The following ESRRG variants were observed in gnomAD, a reference collection of about 807,000 sequenced individuals.
ESRRG encodes the protein estrogen related receptor gamma, also known as estrogen-related receptor gamma.
Under a neutral mutation model 44.0 loss-of-function variants are expected in ESRRG, and 13 were observed. The observed-to-expected ratio is 0.30, with a 90% CI of 0.19 to 0.47. The LOEUF (loss-of-function observed/expected upper bound fraction) is 0.47, where lower values mean the gene tolerates loss of function less well. Among genes scored for constraint, ESRRG ranks in the 20% least tolerant of loss-of-function variants. The probability of loss-of-function intolerance (pLI) is 1.00; values close to 1 mark genes in which losing one functional copy is unlikely to be tolerated. For synonymous variants in ESRRG, 215 were observed against 214.6 expected, an observed-to-expected ratio of 1.00 and a Z score of -0.02; for missense variants, 395 against 580.6, an observed-to-expected ratio of 0.68 and a Z score of 3.29.
At chr1:216,817,068 A>T (rs2148549477) in intron 2 of ESRRG, among the ~76,000 whole-genome samples, 1 of 152,236 alleles carries the variant, frequency 6.6e-6, no homozygotes. Context: ...ATAAAAAAAA[A>T]AAAACACAGG....
chr1:217,051,204 C>CGGT (rs1553259180), intron 1 of ESRRG, among the ~76,000 whole-genome samples: 1 of 33,590 alleles, frequency 3.0e-5, no homozygotes, highest in Non-Finnish European at 5.7e-5. Flanking sequence ...ATAATGGGGG[C>CGGT]GGGGGGGGGG....
At chr1:216,595,831 AT>A (rs959583542) in intron 3 of ESRRG, among the ~76,000 whole-genome samples, 7 of 152,228 alleles carry the variant, frequency 4.6e-5, no homozygotes, top group East Asian at 3.9e-4. Flanking sequence ...CATCAATAGC[AT>A]TTTTTTTCCA....
intron 2 of ESRRG, among the ~76,000 whole-genome samples, chr1:216,783,303 T>C (rs2094001643): frequency 6.6e-6 from 1 of 152,020 alleles, no homozygotes; most frequent in African/African-American, 2.4e-5. Context: ...AAAGGACTAA[T>C]GACAACTACC....
At chr1:216,631,667 G>T (rs541252659) in intron 3 of ESRRG, among the ~76,000 whole-genome samples, 18 of 151,810 alleles carry the variant, frequency 1.2e-4, no homozygotes, top group African/African-American at 3.9e-4. Flanking sequence ...GTATATATAC[G>T]ATATATAAAA....
intron 1 of ESRRG, among the ~76,000 whole-genome samples, chr1:216,988,165 A>G (rs1303143300): frequency 6.6e-6 from 1 of 152,174 alleles, no homozygotes; most frequent in African/African-American, 2.4e-5. Context: ...CAATTGGAAG[A>G]AAGTAAAGGT....
chr1:216,799,204 G>C (rs915402137), intron 2 of ESRRG, among the ~76,000 whole-genome samples: 1 of 152,104 alleles, frequency 6.6e-6, no homozygotes, highest in Admixed American at 6.6e-5. Flanking sequence ...ACTGACAAAA[G>C]GGGAAGAATA....
At chr1:216,649,153 C>A (rs4846616) in intron 3 of ESRRG, among the ~76,000 whole-genome samples, 24,271 of 152,048 alleles carry the variant, frequency 0.16, 2,351 homozygotes, top group East Asian at 0.36. Context: ...AATTGTCCTT[C>A]TGGCAATTTC....
chr1:216,517,168 T>A (rs1020323794), intron 6 of ESRRG, among the ~76,000 whole-genome samples: 1 of 152,126 alleles, frequency 6.6e-6, no homozygotes, highest in Non-Finnish European at 1.5e-5. Context: ...ACTACCATGA[T>A]AAGAGAAGAA....
At chr1:216,953,277 G>A (rs1423379060) in intron 1 of ESRRG, among the ~76,000 whole-genome samples, 2 of 152,082 alleles carry the variant, frequency 1.3e-5, no homozygotes, top group Admixed American at 6.6e-5. Flanking sequence ...GACCAATTTC[G>A]AGTATTCTCT....
intron 5 of ESRRG, among the ~76,000 whole-genome samples, chr1:216,547,857 G>T (rs950258549): frequency 3.3e-5 from 5 of 151,988 alleles, no homozygotes; most frequent in African/African-American, 1.2e-4. Context: ...TTGATTTGAT[G>T]AAAAAGCAAA....
intron 1 of ESRRG, among the ~76,000 whole-genome samples, chr1:217,021,122 A>G (rs1302651667): frequency 6.6e-6 from 1 of 151,940 alleles, no homozygotes; most frequent in Non-Finnish European, 1.5e-5. Context: ...AAGGGAGAGG[A>G]AATAGCATTA....
chr1:217,049,132 T>A (rs2085434758), intron 1 of ESRRG, among the ~76,000 whole-genome samples: 1 of 152,168 alleles, frequency 6.6e-6, no homozygotes, highest in South Asian at 2.1e-4. Flanking sequence ...CCAAAGCTCC[T>A]CCCTCACTCC....
Position 216,763,781 on chromosome 1 carries a change from G to A in ESRRG, c.-13-86290C>T, listed in dbSNP as rs143067624. Among the ~76,000 whole-genome samples, 531 of 152,188 alleles carry A rather than the reference G, an allele frequency of 3.5e-3. 6 individuals carry two copies. In the East Asian group the frequency reaches 0.046, roughly 13 times the overall value. On this transcript the variant is annotated intron_variant, in intron 2 of 7. Transcript: ENST00000359162. ...AGGTGGATGGATCTCAGATAATTAC[G>A]AGCTCTGGGTAAACTGCTCAATGTT... is the stretch of plus-strand genomic sequence containing the variant.
chr1:216,633,948 A>C (rs1312089726), intron 3 of ESRRG, among the ~76,000 whole-genome samples: 1 of 152,202 alleles, frequency 6.6e-6, no homozygotes, highest in African/African-American at 2.4e-5. Flanking sequence ...AATTTGGTAA[A>C]GATTATGGTA....
chr1:216,749,605 A>G (rs1353382554), intron 2 of ESRRG, among the ~76,000 whole-genome samples: 1 of 152,170 alleles, frequency 6.6e-6, no homozygotes, highest in Non-Finnish European at 1.5e-5. Flanking sequence ...TGCTTGAATG[A>G]AGTTGTCATT....
chr1:216,897,981 A>G (rs560203717), intron 2 of ESRRG, among the ~76,000 whole-genome samples: 11 of 152,252 alleles, frequency 7.2e-5, no homozygotes, highest in African/African-American at 2.6e-4. Flanking sequence ...CTGGCATACG[A>G]TAGGCTTTCC....
chr1:217,049,674 G>T (rs188771921), intron 1 of ESRRG, among the ~76,000 whole-genome samples: 20 of 152,166 alleles, frequency 1.3e-4, no homozygotes, highest in Admixed American at 8.5e-4. Flanking sequence ...CTCTCCACTG[G>T]GCAAGGTCCT....
intron 2 of ESRRG, among the ~76,000 whole-genome samples, chr1:216,866,334 A>G (rs1244362416): frequency 1.3e-5 from 2 of 152,156 alleles, no homozygotes; most frequent in African/African-American, 2.4e-5. Flanking sequence ...TGGTGCAACT[A>G]TAGCAATACA....
intron 1 of ESRRG, among the ~76,000 whole-genome samples, chr1:216,984,145 T>C (rs2074479729): frequency 6.6e-6 from 1 of 152,158 alleles, no homozygotes; most frequent in Admixed American, 6.5e-5. Flanking sequence ...AATCTTGTGC[T>C]TTGTTTCTTG....
Sources: gnomAD v4.1 joint callset for allele counts (sites outside exome capture counted in the v4.1 genomes callset) on GRCh38, gnomAD v4.1.1 for gene constraint, MANE v1.5 for transcripts, NCBI Gene and HGNC (gene_info 2026-07-23, HGNC 2026-07-21) for gene names.